RALGAPA2: variants seen among roughly 807,000 people sequenced by gnomAD.
The protein encoded by RALGAPA2 is Ral GTPase activating protein catalytic subunit alpha 2.
A neutral mutation model predicts 230.4 loss-of-function variants in RALGAPA2; 139 were observed. That is an observed-to-expected ratio of 0.60 (90% confidence interval 0.53 to 0.69). The LOEUF (loss-of-function observed/expected upper bound fraction) is 0.69. RALGAPA2 is among the 30% of genes least tolerant of loss of function. RALGAPA2 has a pLI of 0.00. For missense variants in RALGAPA2, 2,163 were observed against 2,276.0 expected (o/e 0.95, Z 1.01); for synonymous variants, 847 against 837.8 (o/e 1.01, Z -0.19).
chr20:20,629,476 T>C lies in RALGAPA2; in HGVS notation c.1120A>G (p.Asn374Asp), dbSNP rs754200953. ...TCTTCAATGCTACAGAGGCTGGAGT[T>C]GCTGAGTCTTCGGTCCGACAAGGTG... ...SSTLSDRRLSNSSLCSIEEEH... is the reference protein window; with the variant it reads ...SSTLSDRRLSDSSLCSIEEEH... Residue 374 changes from asparagine (N) to aspartate (D), a missense_variant, in exon 10 of 40, where the codon AAC becomes GAC. Physicochemically the swap from Asn to Asp is conservative, Grantham distance 23. Transcript: ENST00000202677. 1 of 1,614,010 alleles carries C rather than the reference T, an allele frequency of 6.2e-7. No individual in the cohort carries two copies. Among genetic ancestry groups the C allele is most frequent in the East Asian group, 2.2e-5 (1 of 44,878 alleles).
chr20:20,619,349 A>G lies in RALGAPA2; in HGVS notation c.1467T>C (p.Ser489=), dbSNP rs1345894374. ...SSWGRTYSFT[S]AMSRGCVTEE... is the part of the protein sequence containing the mutation. ...CTGTCACACACCCTCTGCTCATTGC[A>G]CTTGTGAAGGAGTATGTGCGTCCCC... Residue 489 remains serine, a synonymous_variant, in exon 12 of 40, where the codon AGT becomes AGC. Coordinates refer to ENST00000202677, the MANE Select transcript of RALGAPA2 (RefSeq NM_020343.4). The G allele has an allele frequency of 1.9e-6, 3 of 1,612,358 alleles. No homozygotes were observed. Among genetic ancestry groups the G allele is most frequent in the South Asian group, 2.2e-5 (2 of 90,822 alleles).
In RALGAPA2 at chr20:20,498,550, G is replaced by A. The variant is rs539923491; in HGVS notation, c.5209-3275C>T. On this transcript the variant is annotated intron_variant, in intron 35 of 39. Transcript: ENST00000202677. ...TCGCCAGCTGGCTCCAGAAGGAGTC[G>A]TCTGTTTGATTGAAGAATTCCTGCT... 6.6e-5 allele frequency among the ~76,000 whole-genome samples: 10 copies of A among 152,248 alleles called. No homozygotes were observed. In the East Asian group the frequency reaches 1.4e-3, roughly 21 times the overall value.
chr20:20,581,464 C>T (rs781285013), intron 20 of RALGAPA2, among the ~76,000 whole-genome samples: 5 of 152,100 alleles, frequency 3.3e-5, no homozygotes, highest in African/African-American at 4.8e-5. Flanking sequence ...AAGGAGTAGA[C>T]ATAGCACTGC....
intron 17 of RALGAPA2, among the ~76,000 whole-genome samples, chr20:20,590,470 A>G (rs1458989704): frequency 6.6e-6 from 1 of 152,224 alleles, no homozygotes; most frequent in Non-Finnish European, 1.5e-5. Context: ...AAAAGATATG[A>G]GATAACTTGT....
chr20:20,548,198 T>A (rs575950494), intron 23 of RALGAPA2, among the ~76,000 whole-genome samples: 183 of 152,078 alleles, frequency 1.2e-3, no homozygotes, highest in African/African-American at 4.3e-3. Context: ...ATCTAAAAAA[T>A]CCTTAAAAAT....
At chr20:20,457,401 G>C (rs1403285567) in intron 37 of RALGAPA2, among the ~76,000 whole-genome samples, 1 of 152,216 alleles carries the variant, frequency 6.6e-6, no homozygotes, top group Non-Finnish European at 1.5e-5. Flanking sequence ...TCACAGGAAA[G>C]ATCTTATAAA....
intron 24 of RALGAPA2, among the ~76,000 whole-genome samples, chr20:20,538,641 C>A (rs1479778341): frequency 6.6e-6 from 1 of 152,186 alleles, no homozygotes; most frequent in Non-Finnish European, 1.5e-5. Context: ...TCCCTTTCCC[C>A]CAAAGTATCT....
chr20:20,459,938 C>T (rs1039417675), intron 37 of RALGAPA2, among the ~76,000 whole-genome samples: 4 of 152,204 alleles, frequency 2.6e-5, no homozygotes, highest in African/African-American at 2.4e-5. Context: ...TGACCACATG[C>T]CTCTCCCAGA....
At chr20:20,674,396 T>C (rs1248505861) in intron 3 of RALGAPA2, among the ~76,000 whole-genome samples, 1 of 152,128 alleles carries the variant, frequency 6.6e-6, no homozygotes, top group Non-Finnish European at 1.5e-5. Context: ...TTTAATTTGA[T>C]AGAGAATCTA....
chr20:20,558,634 T>TG (rs2064160969), intron 23 of RALGAPA2, among the ~76,000 whole-genome samples: 1 of 151,604 alleles, frequency 6.6e-6, no homozygotes, highest in South Asian at 2.1e-4. Flanking sequence ...GTGAGGAGGC[T>TG]GGGGGCGGTG....
chr20:20,670,696 C>G (rs1015869691), intron 3 of RALGAPA2, among the ~76,000 whole-genome samples: 7 of 151,428 alleles, frequency 4.6e-5, no homozygotes, highest in African/African-American at 1.7e-4. Flanking sequence ...GCCTGTAATC[C>G]CAGCACTTTG....
intron 23 of RALGAPA2, among the ~76,000 whole-genome samples, chr20:20,557,086 G>C (rs2064106051): frequency 6.6e-6 from 1 of 152,158 alleles, no homozygotes; most frequent in Non-Finnish European, 1.5e-5. Flanking sequence ...GAGGTGGGTG[G>C]ATCACCTGAG....
chr20:20,430,703 C>T (rs562683944), intron 37 of RALGAPA2, among the ~76,000 whole-genome samples: 21 of 152,144 alleles, frequency 1.4e-4, no homozygotes, highest in Non-Finnish European at 2.2e-4. Flanking sequence ...CTTTACCTTT[C>T]GGAGTTCCCT....
chr20:20,513,007 GC>G lies in RALGAPA2; in HGVS notation c.4361del (p.Gly1454AlafsTer6). ...TEGPVGGSPV[G>X]SLSDVRVIVR... ...CAATTACTCTCACATCAGAGAGAGA[GC>G]CCACTGGTGATCCCCCTACCGGTCC... On this transcript the variant is annotated frameshift_variant, in exon 32 of 40. Transcript: ENST00000202677. LOFTEE classifies it high-confidence loss of function. 6.2e-7 allele frequency: 1 copy of G among 1,613,718 alleles called. No homozygotes were observed. Among genetic ancestry groups the G allele is most frequent in the Non-Finnish European group, 8.5e-7 (1 of 1,179,738 alleles).
intron 27 of RALGAPA2, among the ~76,000 whole-genome samples, chr20:20,528,407 T>C (rs550260317): frequency 6.6e-6 from 1 of 152,064 alleles, no homozygotes; most frequent in Non-Finnish European, 1.5e-5. Flanking sequence ...AGGCTGAGTA[T>C]TGGCAGGGTG....
intron 3 of RALGAPA2, among the ~76,000 whole-genome samples, chr20:20,666,557 C>T (rs2067960888): frequency 6.6e-6 from 1 of 152,110 alleles, no homozygotes; most frequent in Admixed American, 6.5e-5. Flanking sequence ...TCCTTCACCT[C>T]GGCATGGGAG....
chr20:20,552,393 C>T (rs532056369), intron 23 of RALGAPA2, among the ~76,000 whole-genome samples: 1 of 152,256 alleles, frequency 6.6e-6, no homozygotes, highest in East Asian at 1.9e-4. Context: ...CACTCAATTC[C>T]TCATTTAACT....
At chr20:20,512,252 C>T (rs749147186) in intron 32 of RALGAPA2, among the ~76,000 whole-genome samples, 15 of 149,640 alleles carry the variant, frequency 1.0e-4, no homozygotes, top group Non-Finnish European at 2.2e-4. Context: ...CACACACACA[C>T]ACACACACAC....
chr20:20,463,124 C>G (rs545471708), intron 37 of RALGAPA2, among the ~76,000 whole-genome samples: 1 of 151,610 alleles, frequency 6.6e-6, no homozygotes, highest in Non-Finnish European at 1.5e-5. Flanking sequence ...GGCTTAAAAC[C>G]CTGACTTTTT....
Sources: gnomAD v4.1 joint callset for allele counts (sites outside exome capture counted in the v4.1 genomes callset) on GRCh38, gnomAD v4.1.1 for gene constraint, MANE v1.5 for transcripts, NCBI Gene and HGNC (gene_info 2026-07-23, HGNC 2026-07-21) for gene names.